SPAG16: variants seen among roughly 807,000 people sequenced by gnomAD.
SPAG16 encodes sperm associated antigen 16.
In SPAG16, 86 loss-of-function variants were observed where a neutral mutation model predicts 80.4. The ratio of observed to expected loss-of-function variants is 1.07; its 90% CI spans 0.90 to 1.28. The LOEUF (loss-of-function observed/expected upper bound fraction) is 1.28, where lower values mean the gene tolerates loss of function less well. Ranked by LOEUF, SPAG16 falls within the 50% of genes most tolerant of loss-of-function variation. The pLI, the probability that SPAG16 is intolerant of heterozygous loss-of-function variation, is 0.00. For synonymous variants in SPAG16, 294 were observed against 265.9 expected (o/e 1.11, Z -1.03); for missense variants, 870 against 765.3 (o/e 1.14, Z -1.61).
chr2:214,205,279 A>G (rs1208166579), intron 15 of SPAG16, among the ~76,000 whole-genome samples: 1 of 152,146 alleles, frequency 6.6e-6, no homozygotes, highest in South Asian at 2.1e-4. Context: ...TATGAAGGGA[A>G]AAATCTTCAG....
chr2:214,014,488 A>C (rs2047487685), intron 13 of SPAG16, among the ~76,000 whole-genome samples: 1 of 152,196 alleles, frequency 6.6e-6, no homozygotes, highest in East Asian at 1.9e-4. Context: ...GAAAGCAAGG[A>C]GGAGGATTCA....
At chr2:213,340,343 G>A in intron 6 of SPAG16, 73 bp downstream of exon 6, 1 of 1,081,166 alleles carries the variant, frequency 9.2e-7, no homozygotes, top group Non-Finnish European at 1.4e-6. Context: ...TTATGACAAA[G>A]TTTTAGACAA....
chr2:213,562,155 T>G (rs2059615965), intron 10 of SPAG16, among the ~76,000 whole-genome samples: 1 of 152,234 alleles, frequency 6.6e-6, no homozygotes, highest in South Asian at 2.1e-4. Context: ...AGAAGACATT[T>G]TACCATTGTC....
intron 11 of SPAG16, among the ~76,000 whole-genome samples, chr2:213,909,392 G>C (rs1453062810): frequency 6.6e-6 from 1 of 152,044 alleles, no homozygotes; most frequent in Non-Finnish European, 1.5e-5. Flanking sequence ...AGTTCATATG[G>C]AGCCAAAAAA....
chr2:213,857,098 C>T (rs2372264), intron 10 of SPAG16, among the ~76,000 whole-genome samples: 52,241 of 151,812 alleles, frequency 0.34, 9,439 homozygotes, highest in South Asian at 0.47. Flanking sequence ...GGCATGGTGG[C>T]GGGCGCCTGA....
intron 3 of SPAG16, among the ~76,000 whole-genome samples, chr2:213,302,789 G>A (rs1423795124): frequency 6.6e-6 from 1 of 152,074 alleles, no homozygotes; most frequent in South Asian, 2.1e-4. Flanking sequence ...ATGCTTCAAG[G>A]TGTGTGCATG....
intron 10 of SPAG16, among the ~76,000 whole-genome samples, chr2:213,521,346 C>A (rs751581630): frequency 9.9e-5 from 15 of 152,166 alleles, no homozygotes; most frequent in Non-Finnish European, 2.1e-4. Context: ...CCTAGGTTCT[C>A]ACCTGTTTTC....
chr2:214,380,278 C>T (rs771837755), intron 15 of SPAG16, among the ~76,000 whole-genome samples: 2 of 152,150 alleles, frequency 1.3e-5, no homozygotes, highest in Non-Finnish European at 2.9e-5. Flanking sequence ...TAAGATCATA[C>T]GAATTTTCAG....
intron 15 of SPAG16, among the ~76,000 whole-genome samples, chr2:214,189,178 A>G (rs891329948): frequency 1.3e-5 from 2 of 152,164 alleles, no homozygotes; most frequent in East Asian, 1.9e-4. Flanking sequence ...ACAACATCTG[A>G]TGTTAAATTA....
rs1559377319 is a variant in SPAG16, at chr2:213,292,675, AC to A, written c.137-3388del. Among the ~76,000 whole-genome samples, 226 of 125,806 alleles carry A rather than the reference AC, an allele frequency of 1.8e-3. 15 individuals carry two copies. Among genetic ancestry groups the A allele is most frequent in the African/African-American group, 5.0e-3 (181 of 36,050 alleles). 82.5% of individuals were successfully genotyped at this position (125,806 alleles called of 152,430 possible). ...CGAGACTCCGTCTCAAAAAAAAAAA[AC>A]AAAAAAAACAAAAAAAAACAAAACT... On this transcript the variant is annotated intron_variant, in intron 1 of 15. Transcript: ENST00000331683.
At chr2:213,737,182 A>T (rs1328322020) in intron 10 of SPAG16, among the ~76,000 whole-genome samples, 2 of 152,166 alleles carry the variant, frequency 1.3e-5, no homozygotes, top group African/African-American at 4.8e-5. Context: ...ATGGCTGATA[A>T]CTTTCTAGAA....
At chr2:213,724,634 C>T (rs1360841114) in intron 10 of SPAG16, among the ~76,000 whole-genome samples, 1 of 151,316 alleles carries the variant, frequency 6.6e-6, no homozygotes, top group Non-Finnish European at 1.5e-5. Context: ...AAAAATTAGC[C>T]GGGTGTGGTG....
At chr2:214,205,540 T>C (rs2058120431) in intron 15 of SPAG16, among the ~76,000 whole-genome samples, 1 of 152,184 alleles carries the variant, frequency 6.6e-6, no homozygotes, top group Non-Finnish European at 1.5e-5. Context: ...GTCAGTATTA[T>C]ACAAAAGCAT....
chr2:214,259,245 G>A (rs1033479527), intron 15 of SPAG16, among the ~76,000 whole-genome samples: 3 of 151,958 alleles, frequency 2.0e-5, no homozygotes, highest in South Asian at 4.1e-4. Flanking sequence ...CAGGTGGCCA[G>A]CAACTCAAAT....
chr2:214,363,812 C>T (rs1468144668), intron 15 of SPAG16, among the ~76,000 whole-genome samples: 1 of 151,990 alleles, frequency 6.6e-6, no homozygotes, highest in Non-Finnish European at 1.5e-5. Context: ...AGGTGAGTAT[C>T]CTTGGGCAAG....
At chr2:214,372,710 G>C (rs1233974308) in intron 15 of SPAG16, among the ~76,000 whole-genome samples, 1 of 152,160 alleles carries the variant, frequency 6.6e-6, no homozygotes, top group Admixed American at 6.5e-5. Context: ...ACTATGTACA[G>C]TGTTTTATAA....
intron 13 of SPAG16, among the ~76,000 whole-genome samples, chr2:214,103,340 C>T (rs192333146): frequency 6.6e-6 from 1 of 152,220 alleles, no homozygotes; most frequent in African/African-American, 2.4e-5. Context: ...CAGCTCTTGC[C>T]TAACTACCTG....
At chr2:213,603,027 A>G (rs1317340194) in intron 10 of SPAG16, among the ~76,000 whole-genome samples, 1 of 152,238 alleles carries the variant, frequency 6.6e-6, no homozygotes, top group Non-Finnish European at 1.5e-5. Flanking sequence ...TCAAAAGCTC[A>G]TAGACTTAAA....
At chr2:213,388,899 TTG>T (rs137983233) in intron 9 of SPAG16, among the ~76,000 whole-genome samples, 2,253 of 152,298 alleles carry the variant, frequency 0.015, 29 homozygotes, top group South Asian at 0.038. Flanking sequence ...GACCTTTTTT[TTG>T]CAAAAACATA....
Sources: allele counts gnomAD v4.1 joint callset (sites outside exome capture counted in the v4.1 genomes callset), GRCh38; gene constraint gnomAD v4.1.1; transcripts MANE v1.5; gene names NCBI Gene and HGNC (gene_info 2026-07-23, HGNC 2026-07-21).